ZNF653: variants seen among roughly 807,000 people sequenced by gnomAD.
ZNF653 encodes the protein zinc finger protein 653.
In ZNF653, 37 loss-of-function variants were observed where a neutral mutation model predicts 59.9. That is an observed-to-expected ratio of 0.62 (90% CI 0.48 to 0.81). ZNF653 has a LOEUF of 0.81. Among genes scored for constraint, ZNF653 ranks in the 40% least tolerant of loss-of-function variants. The probability of loss-of-function intolerance (pLI) is 0.00; values close to 1 mark genes in which losing one functional copy is unlikely to be tolerated. For synonymous variants in ZNF653, 435 were observed against 371.8 expected, an observed-to-expected ratio of 1.17 and a Z score of -1.96; for missense variants, 808 against 881.1, an observed-to-expected ratio of 0.92 and a Z score of 1.05.
chr19:11,485,860 C>A, intron 6 of ZNF653, 90 bp from the exon 7 acceptor site: 1 of 1,010,690 alleles, frequency 9.9e-7, no homozygotes, highest in South Asian at 1.3e-5. Context: ...GGAAGGCAGG[C>A]TGGGGCTGGC....
rs914256817 is a variant in ZNF653, at chr19:11,487,686, G to A, written c.777C>T (p.Thr259=). The A allele has an allele frequency of 1.9e-6, 3 of 1,613,734 alleles. No homozygotes were observed. The highest frequency in any genetic ancestry group is 2.5e-6 in the Non-Finnish European group (3 of 1,179,972). The change falls in exon 4 of 9, where the codon ACC becomes ACT. Residue 259 remains threonine, a synonymous_variant. Transcript: ENST00000293771. The surrounding 1 kb of genome is among the most constrained non-coding windows in gnomAD (Gnocchi z 5.1). ...HHVESLAEQG[T]PLCSNPAGNG... ...TGCCTGCTGGGTTGGAGCACAGCGG[G>A]GTACCCTGCTCGGCCAGGCTTTCCA...
At chr19:11,496,941 C>G (rs1370639418) in intron 2 of ZNF653, among the ~76,000 whole-genome samples, 1 of 152,238 alleles carries the variant, frequency 6.6e-6, no homozygotes, top group African/African-American at 2.4e-5. Flanking sequence ...CCCTCACCCA[C>G]TTGGTGACTG....
intron 8 of ZNF653, 45 bp from the exon 9 acceptor site, chr19:11,483,904 G>A (rs761073693): frequency 6.6e-7 from 1 of 1,515,510 alleles, no homozygotes; most frequent in Non-Finnish European, 8.9e-7. Flanking sequence ...AGAGTGGGCG[G>A]GGCGGGGCGG....
In ZNF653 at chr19:11,495,638, C is replaced by T. The variant is rs922919920; in HGVS notation, c.559+312G>A. 5.1e-5 allele frequency: 21 copies of T among 408,164 alleles called. No individual in the cohort carries two copies. The highest frequency in any genetic ancestry group is 9.2e-5 in the Non-Finnish European group (20 of 218,350). 25.3% of individuals were successfully genotyped at this position (408,164 alleles called of 1,614,324 possible). On this transcript the variant is annotated intron_variant, in intron 3 of 8. Coordinates refer to ENST00000293771, the MANE Select transcript of ZNF653 (RefSeq NM_138783.4). This position sits in a 1 kb window ranked among gnomAD's most constrained non-coding sequence, Gnocchi z 4.9. ...GGGGCCGAGCCCTGCCCCAGCAGGC[C>T]TGCCCCCGCCCCAGCTGCCAAGCCA... is the stretch of plus-strand genomic sequence containing the variant.
At chr19:11,484,217 G>A in intron 7 of ZNF653, 76 bp from the exon 8 acceptor site, 1 of 1,158,432 alleles carries the variant, frequency 8.6e-7, no homozygotes. Flanking sequence ...TCTGATGCTA[G>A]AAGGAGCATC....
chr19:11,485,951 TA>T (rs1242757568), intron 6 of ZNF653, among the ~76,000 whole-genome samples, 181 bp from the exon 7 acceptor site: 4 of 151,844 alleles, frequency 2.6e-5, no homozygotes. Context: ...AGGGTAGCTT[TA>T]TTTTTTTTAT....
At chr19:11,502,917 C>T (rs1030125307) in intron 1 of ZNF653, among the ~76,000 whole-genome samples, 9 of 152,018 alleles carry the variant, frequency 5.9e-5, no homozygotes, top group African/African-American at 2.2e-4. Context: ...GCCTGTAATC[C>T]CAGCTACTCG....
intron 5 of ZNF653, 30 bp downstream of exon 5, chr19:11,486,957 G>GC (rs766825353): frequency 6.2e-7 from 1 of 1,611,954 alleles, no homozygotes; most frequent in South Asian, 1.1e-5. Flanking sequence ...TCTAGCCCTC[G>GC]CCCTCACCCT....
Position 11,496,153 on chromosome 19 carries a change from T to A in ZNF653, c.356A>T (p.Asn119Ile). The A allele has an allele frequency of 1.2e-6, 2 of 1,613,740 alleles. No individual in the cohort carries two copies. Among genetic ancestry groups the A allele is most frequent in the East Asian group, 2.2e-5 (1 of 44,876 alleles). ...CACCACGTTCTTCAGGCAGTTCACG[T>A]TGCGTCGCCGCCCTATGGACACAGG... ...KPKRKKRRRRNVNCLKNVVIW... is the reference protein window; with the variant it reads ...KPKRKKRRRRIVNCLKNVVIW... The change falls in exon 3 of 9, where the codon AAC becomes ATC. Residue 119 changes from asparagine to isoleucine, a missense_variant. Coordinates refer to ENST00000293771, the MANE Select transcript of ZNF653 (RefSeq NM_138783.4).
rs542864311 is a variant in ZNF653 at position 11,484,203 on chromosome 19, A to C, written c.1571-62T>G. The C allele has an allele frequency of 3.3e-5, 42 of 1,287,628 alleles. No individual in the cohort carries two copies. The African/African-American group carries it at 4.9e-4, about 15-fold the overall frequency. 79.8% of individuals were successfully genotyped at this position (1,287,628 alleles called of 1,614,324 possible). A position where few individuals can be genotyped will look rare whatever the true frequency, so the allele number is the denominator to read the frequency against. The stretch of plus-strand genomic sequence containing the variant: ...CTATGGGGTGTCTCTGATGTGCTGC[A>C]GACTCTGATGCTAGAAGGAGCATCA... On this transcript the variant is annotated intron_variant, in intron 7 of 8. Transcript: ENST00000293771.
rs1451612687 is a variant in ZNF653 at position 11,487,258 on chromosome 19, C to T, written c.1171+34G>A. On this transcript the variant is annotated intron_variant, in intron 4 of 8. Transcript: ENST00000293771. The surrounding 1 kb of genome is among the most constrained non-coding windows in gnomAD (Gnocchi z 5.1). ...GCCCGGCCCCTCCCAGGCCCAACCA[C>T]CCCTGGCCAGAGGCCACGACAGGTC... The T allele has an allele frequency of 1.2e-6, 2 of 1,602,960 alleles. No homozygotes were observed. Among genetic ancestry groups the T allele is most frequent in the East Asian group, 2.2e-5 (1 of 44,738 alleles).
chr19:11,499,875 T>G (rs1036633092), intron 1 of ZNF653, among the ~76,000 whole-genome samples: 1 of 152,054 alleles, frequency 6.6e-6, no homozygotes, highest in Non-Finnish European at 1.5e-5. Flanking sequence ...ATCACACCAC[T>G]GCACTCCAAC....
rs1466372864 is a variant in ZNF653 at position 11,486,812 on chromosome 19, T to C, written c.1412A>G (p.Tyr471Cys). 8 of 1,611,918 alleles carry C rather than the reference T, an allele frequency of 5.0e-6. No individual in the cohort carries two copies. The South Asian group carries it at 8.8e-5, about 18-fold the overall frequency. ...CACGTAGACTTGGCTGCAGCCCTCG[T>C]ATGGGCAGTGGAACATCTCGAGCAG... ...DGLLEMFHCP[Y>C]EGCSQVYVAL... is the part of the protein sequence containing the mutation. Residue 471 changes from tyrosine (Y) to cysteine (C), a missense_variant, in exon 6 of 9, where the codon TAC becomes TGC. Tyr to Cys is a radical substitution (Grantham distance 194). Transcript: ENST00000293771.
At chr19:11,504,086 G>A (rs912775136) in intron 1 of ZNF653, among the ~76,000 whole-genome samples, 1 of 151,864 alleles carries the variant, frequency 6.6e-6, no homozygotes, top group Non-Finnish European at 1.5e-5. Flanking sequence ...CTCTGGGCGA[G>A]AGAGTGAGAC....
chr19:11,492,897 C>A (rs1234220703), intron 3 of ZNF653, among the ~76,000 whole-genome samples: 1 of 152,084 alleles, frequency 6.6e-6, no homozygotes, highest in Non-Finnish European at 1.5e-5. Flanking sequence ...AGGCACACAC[C>A]ACCACACCTG....
intron 1 of ZNF653, among the ~76,000 whole-genome samples, chr19:11,499,802 C>T (rs1174202768): frequency 6.6e-6 from 1 of 151,962 alleles, no homozygotes; most frequent in Non-Finnish European, 1.5e-5. Context: ...GTCCCAGCTA[C>T]TCAGGAGGTT....
At position 11,487,780 on chromosome 19, in the gene ZNF653, G is replaced by A. The variant is rs200313306; in HGVS notation, c.683C>T (p.Thr228Ile). 5 of 1,612,298 alleles carry A rather than the reference G, an allele frequency of 3.1e-6. No individual in the cohort carries two copies. The highest frequency in any genetic ancestry group is 4.2e-6 in the Non-Finnish European group (5 of 1,179,608). ...GAGCCCGCTGCTGCCCACCGGGCTG[G>A]TGGGCGTCGCTGCCGCTGCCGCTGC... ...AAAAAAAATP[T>I]SPVGSSGLIT... Residue 228 changes from threonine to isoleucine, a missense_variant, in exon 4 of 9, where the codon ACC becomes ATC. Thr to Ile is a moderately conservative substitution (Grantham distance 89). Coordinates refer to ENST00000293771, the MANE Select transcript of ZNF653 (RefSeq NM_138783.4). This position sits in a 1 kb window ranked among gnomAD's most constrained non-coding sequence, Gnocchi z 5.1.
rs1227909544 is a variant in ZNF653 at position 11,498,215 on chromosome 19, C to A, written c.343+81G>T. ...CCAACTGTGCTGCCTAGGGCAGCGACCTGGCCTCTCTGGGCCTCCATCTCC... is the reference window on the plus strand; with the variant it reads ...CCAACTGTGCTGCCTAGGGCAGCGAACTGGCCTCTCTGGGCCTCCATCTCC... On this transcript the variant is annotated intron_variant, in intron 2 of 8. Transcript: ENST00000293771. 4 of 1,598,910 alleles carry A rather than the reference C, an allele frequency of 2.5e-6. No homozygotes were observed. The African/African-American group carries it at 5.4e-5, about 21-fold the overall frequency.
rs893594010 is a variant in ZNF653, at chr19:11,485,190, C to A, written c.1570+466G>T. 3.9e-5 allele frequency among the ~76,000 whole-genome samples: 6 copies of A among 152,176 alleles called. 1 individual carries two copies. Among genetic ancestry groups the A allele is most frequent in the Admixed American group, 1.3e-4 (2 of 15,278 alleles). On this transcript the variant is annotated intron_variant, in intron 7 of 8. Coordinates refer to ENST00000293771, the MANE Select transcript of ZNF653 (RefSeq NM_138783.4). ...CCATGGCTCTCCACTATGTCCCCAG[C>A]CCATGCAGAAGACCTGCATCTCTGC...
Sources: gnomAD v4.1 joint callset for allele counts (sites outside exome capture counted in the v4.1 genomes callset) on GRCh38, gnomAD v4.1.1 for gene constraint, Gnocchi (gnomAD v3.1) non-coding constraint, MANE v1.5 for transcripts, NCBI Gene and HGNC (gene_info 2026-07-23, HGNC 2026-07-21) for gene names.